Variants in PRKN observed in about 807,000 individuals in gnomAD.
PRKN encodes parkin RBR E3 ubiquitin protein ligase, also known as E3 ubiquitin-protein ligase parkin.
A neutral mutation model predicts 59.5 loss-of-function variants in PRKN; 56 were observed. The observed-to-expected ratio is 0.94, with a 90% CI of 0.76 to 1.18. The LOEUF (loss-of-function observed/expected upper bound fraction) is 1.18, where lower values mean the gene tolerates loss of function less well. Among genes scored for constraint, PRKN ranks in the 50% most tolerant of loss-of-function variants. The pLI is 0.00. For synonymous variants in PRKN, 250 were observed against 222.1 expected (o/e 1.13, Z -1.12); for missense variants, 657 against 596.4 (o/e 1.10, Z -1.06).
chr6:162,340,353 T>A (rs564617879), intron 2 of PRKN, among the ~76,000 whole-genome samples: 1 of 152,120 alleles, frequency 6.6e-6, no homozygotes, highest in African/African-American at 2.4e-5. Flanking sequence ...GTTCTGAAAA[T>A]TGGATGAAAA....
chr6:162,495,484 C>T (rs562127711), intron 1 of PRKN, among the ~76,000 whole-genome samples: 1 of 152,146 alleles, frequency 6.6e-6, no homozygotes, highest in East Asian at 1.9e-4. Flanking sequence ...GCTTGGGGAA[C>T]CATTGTTTCC....
chr6:162,463,978 T>A (rs1259125260), intron 1 of PRKN, among the ~76,000 whole-genome samples: 2 of 152,218 alleles, frequency 1.3e-5, no homozygotes. Context: ...AAATAAAGCT[T>A]AAACTGAAAT....
At position 162,443,341 on chromosome 6, in the gene PRKN, C is replaced by T. The variant is rs1790152323; in HGVS notation, c.140G>A (p.Gly47Glu). ...AGTCCAGTCATTCCTCAGCTCCTTC[C>T]CTGCGAAAATCACACGCAACTGGTC... ...PADQLRVIFA[G>E]KELRNDWTVQ... The change falls in exon 2 of 12, where the codon GGG becomes GAG. Residue 47 changes from glycine to glutamate, a missense_variant. By Grantham distance (98) the Gly-to-Glu change is moderately conservative. Transcript: ENST00000366898. The T allele has an allele frequency of 1.2e-6, 2 of 1,612,786 alleles. No individual in the cohort carries two copies. The highest frequency in any genetic ancestry group is 1.7e-6 in the Non-Finnish European group (2 of 1,180,018).
chr6:162,402,791 T>C (rs1372121750), intron 2 of PRKN, among the ~76,000 whole-genome samples: 1 of 152,026 alleles, frequency 6.6e-6, no homozygotes, highest in African/African-American at 2.4e-5. Context: ...GCCTCCTTAG[T>C]AGCTAGAATG....
intron 3 of PRKN, among the ~76,000 whole-genome samples, chr6:162,240,058 C>T (rs1430140260): frequency 6.6e-6 from 1 of 152,038 alleles, no homozygotes; most frequent in Non-Finnish European, 1.5e-5. Context: ...AAATTTATAA[C>T]ATTTGCATTT....
rs114989066 is a variant in PRKN, at chr6:162,320,518, A to G, written c.172-57753T>C. ...AATGAAAACATGTGCAACATCATTAACCATTAAGAATGTGCAAATTAAAAC... is the reference window on the plus strand; with the variant it reads ...AATGAAAACATGTGCAACATCATTAGCCATTAAGAATGTGCAAATTAAAAC... On this transcript the variant is annotated intron_variant, in intron 2 of 11. Coordinates refer to ENST00000366898, the MANE Select transcript of PRKN (RefSeq NM_004562.3). Among the ~76,000 whole-genome samples the G allele has an allele frequency of 2.4e-3, 357 of 151,584 alleles. 4 individuals are homozygous for G. The highest frequency in any genetic ancestry group is 0.012 in the South Asian group (58 of 4,830).
chr6:162,079,976 T>C (rs1298381588), intron 4 of PRKN, among the ~76,000 whole-genome samples: 1 of 152,134 alleles, frequency 6.6e-6, no homozygotes, highest in African/African-American at 2.4e-5. Context: ...ACATATATCT[T>C]AAGGTCCAGG....
chr6:162,669,008 T>C (rs1464788081), intron 1 of PRKN, among the ~76,000 whole-genome samples: 1 of 152,122 alleles, frequency 6.6e-6, no homozygotes, highest in African/African-American at 2.4e-5. Context: ...GAATCTGAAG[T>C]ACCAAGACCT....
chr6:162,062,202 A>T (rs983931187), intron 4 of PRKN, among the ~76,000 whole-genome samples: 10 of 152,202 alleles, frequency 6.6e-5, no homozygotes, highest in Non-Finnish European at 1.0e-4. Flanking sequence ...GATAGACAAG[A>T]TGTAGTATGA....
intron 6 of PRKN, among the ~76,000 whole-genome samples, chr6:161,827,268 G>A (rs569858918): frequency 2.0e-5 from 3 of 152,210 alleles, no homozygotes; most frequent in Non-Finnish European, 2.9e-5. Context: ...TTCACATGTT[G>A]TTTTCCTCTC....
intron 2 of PRKN, among the ~76,000 whole-genome samples, chr6:162,321,075 T>A (rs1016328425): frequency 6.6e-6 from 1 of 151,800 alleles, no homozygotes; most frequent in Non-Finnish European, 1.5e-5. Flanking sequence ...AAAAAGACCA[T>A]GAAACCACAA....
At chr6:162,334,997 G>C (rs188102878) in intron 2 of PRKN, among the ~76,000 whole-genome samples, 1 of 152,078 alleles carries the variant, frequency 6.6e-6, no homozygotes, top group East Asian at 1.9e-4. Flanking sequence ...TGGATGAAGA[G>C]TTGTTTCTTA....
At chr6:162,645,975 T>C (rs1778164106) in intron 1 of PRKN, among the ~76,000 whole-genome samples, 2 of 149,794 alleles carry the variant, frequency 1.3e-5, no homozygotes, top group South Asian at 2.2e-4. Context: ...CCTGGGTTCA[T>C]GCCACTCTCC....
chr6:161,486,190 C>T (rs981780863), intron 9 of PRKN, among the ~76,000 whole-genome samples: 18 of 151,956 alleles, frequency 1.2e-4, no homozygotes, highest in African/African-American at 3.9e-4. Context: ...TATTTCATTA[C>T]GTTGCCTAGA....
intron 6 of PRKN, among the ~76,000 whole-genome samples, chr6:161,825,755 G>T (rs914432753): frequency 3.3e-5 from 5 of 152,124 alleles, no homozygotes; most frequent in Non-Finnish European, 5.9e-5. Flanking sequence ...AGTAATGGGA[G>T]ACAGGAGGAT....
At chr6:162,726,977 C>G (rs1779242434) in intron 1 of PRKN, among the ~76,000 whole-genome samples, 1 of 149,050 alleles carries the variant, frequency 6.7e-6, no homozygotes, top group Non-Finnish European at 1.5e-5. Flanking sequence ...CGTTCACAAA[C>G]TTGCACCTCG....
rs566104575 is a variant in PRKN, at chr6:162,062,207, G to C, written c.535-8033C>G. ...CATCTGACTGGATAGACAAGATGTA[G>C]TATGACTATTCAGTGGATGACCACT... On this transcript the variant is annotated intron_variant, in intron 4 of 11. Transcript: ENST00000366898. 1.2e-4 allele frequency among the ~76,000 whole-genome samples: 19 copies of C among 152,298 alleles called. No homozygotes were observed. The South Asian group carries it at 3.9e-3, about 32-fold the overall frequency.
At chr6:162,134,414 T>G (rs1781490431) in intron 4 of PRKN, among the ~76,000 whole-genome samples, 2 of 152,222 alleles carry the variant, frequency 1.3e-5, no homozygotes, top group East Asian at 3.8e-4. Context: ...TTTGCTTGTT[T>G]TATAAGTTAC....
chr6:162,713,232 C>T (rs1472629205), intron 1 of PRKN, among the ~76,000 whole-genome samples: 1 of 152,182 alleles, frequency 6.6e-6, no homozygotes, highest in Non-Finnish European at 1.5e-5. Context: ...GCCAGGCTCA[C>T]GCCTGTAATC....
Sources: allele counts gnomAD v4.1 joint callset (sites outside exome capture counted in the v4.1 genomes callset), GRCh38; gene constraint gnomAD v4.1.1; transcripts MANE v1.5; gene names NCBI Gene and HGNC (gene_info 2026-07-23, HGNC 2026-07-21).